MYO5B: variants seen among roughly 807,000 people sequenced by gnomAD.
MYO5B encodes the protein myosin VB, also known as unconventional myosin-Vb.
Under a neutral mutation model 229.3 loss-of-function variants are expected in MYO5B, and 143 were observed. That is an observed-to-expected ratio of 0.62 (90% CI 0.54 to 0.72). The LOEUF (loss-of-function observed/expected upper bound fraction) is 0.72. MYO5B is among the 30% of genes least tolerant of loss of function. MYO5B has a pLI of 0.00. For missense variants in MYO5B, 2,321 were observed against 2,331.0 expected, an observed-to-expected ratio of 1.00 and a Z score of 0.09; for synonymous variants, 918 against 885.2, an observed-to-expected ratio of 1.04 and a Z score of -0.66.
intron 1 of MYO5B, among the ~76,000 whole-genome samples, chr18:50,058,654 T>C (rs1266133608): frequency 1.3e-5 from 2 of 151,862 alleles, no homozygotes; most frequent in South Asian, 2.1e-4. Context: ...CTACTAAAAT[T>C]ACAAAAATTA....
chr18:49,994,237 A>G (rs546093363), intron 5 of MYO5B, among the ~76,000 whole-genome samples: 1 of 152,162 alleles, frequency 6.6e-6, no homozygotes, highest in South Asian at 2.1e-4. Context: ...CTCTGTGTTC[A>G]TGAGGGCAAA....
At chr18:50,153,235 A>G (rs898535719) in intron 1 of MYO5B, among the ~76,000 whole-genome samples, 3 of 152,200 alleles carry the variant, frequency 2.0e-5, no homozygotes, top group Non-Finnish European at 4.4e-5. Context: ...CAATGTTTCA[A>G]AGATTGAAAA....
At chr18:49,834,418 G>A (rs780770125) in intron 39 of MYO5B, among the ~76,000 whole-genome samples, 1 of 152,154 alleles carries the variant, frequency 6.6e-6, no homozygotes, top group Non-Finnish European at 1.5e-5. Context: ...GTAATCATGG[G>A]AGAAGTGTGG....
At chr18:49,918,255 G>T (rs1042874427) in intron 17 of MYO5B, among the ~76,000 whole-genome samples, 1 of 152,242 alleles carries the variant, frequency 6.6e-6, no homozygotes, top group African/African-American at 2.4e-5. Flanking sequence ...GTATGGAGCT[G>T]CAGAGTTACA....
At chr18:49,849,478 T>C in intron 32 of MYO5B, 89 bp downstream of exon 32, 1 of 927,662 alleles carries the variant, frequency 1.1e-6, no homozygotes, top group South Asian at 1.3e-5. Context: ...GTAGGAAGAA[T>C]GTGCAGAGGG....
At chr18:50,138,405 T>G (rs2032367632) in intron 1 of MYO5B, among the ~76,000 whole-genome samples, 1 of 150,946 alleles carries the variant, frequency 6.6e-6, no homozygotes, top group Admixed American at 6.6e-5. Flanking sequence ...ATCTGGAGTG[T>G]GCCCAATTTG....
At chr18:50,127,401 C>G (rs977796339) in intron 1 of MYO5B, among the ~76,000 whole-genome samples, 5 of 152,160 alleles carry the variant, frequency 3.3e-5, no homozygotes, top group Non-Finnish European at 7.4e-5. Context: ...AGAGAACAAG[C>G]TTTTACTGAG....
intron 1 of MYO5B, among the ~76,000 whole-genome samples, chr18:50,117,212 TA>T (rs1218454408): frequency 6.6e-6 from 1 of 151,776 alleles, no homozygotes; most frequent in Non-Finnish European, 1.5e-5. Flanking sequence ...CAAGCCCCTA[TA>T]AAAAAGGGCA....
In MYO5B at chr18:49,871,830, G is replaced by A. The variant is rs890337445; in HGVS notation, c.3603+337C>T. ...TCACCTCCCACTGTTCTACCGCCCT[G>A]TCTCCCTGCATGCCAGCAGAGGACA... On this transcript the variant is annotated intron_variant, in intron 27 of 39. Transcript: ENST00000285039. Among the ~76,000 whole-genome samples, 7 of 152,298 alleles carry A rather than the reference G, an allele frequency of 4.6e-5. No individual in the cohort carries two copies. The South Asian group carries it at 1.2e-3, about 27-fold the overall frequency.
chr18:50,132,101 A>T (rs2144548041), intron 1 of MYO5B, among the ~76,000 whole-genome samples: 1 of 152,296 alleles, frequency 6.6e-6, no homozygotes, highest in Admixed American at 6.5e-5. Context: ...CCCTCTTCCC[A>T]AGTGTGCCAA....
At chr18:50,101,742 A>G (rs1018662839) in intron 1 of MYO5B, among the ~76,000 whole-genome samples, 1 of 152,164 alleles carries the variant, frequency 6.6e-6, no homozygotes, top group African/African-American at 2.4e-5. Context: ...GAAACAATAG[A>G]TGCTGGTGAG....
rs2024573161 is a variant in MYO5B at position 49,880,356 on chromosome 18, T to C, written c.3130+15A>G. 3 of 1,608,178 alleles carry C rather than the reference T, an allele frequency of 1.9e-6. No individual in the cohort carries two copies. The highest frequency in any genetic ancestry group is 2.6e-6 in the Non-Finnish European group (3 of 1,174,578). ...ATTAAAACCCCAAATAAAACTCAAG[T>C]GCTTTGGTACTTACCTTTAGACTGG... is the stretch of plus-strand genomic sequence containing the variant. On this transcript the variant is annotated intron_variant, in intron 23 of 39. Coordinates refer to ENST00000285039, the MANE Select transcript of MYO5B (RefSeq NM_001080467.3).
chr18:50,173,373 G>A (rs370597226), intron 1 of MYO5B, among the ~76,000 whole-genome samples: 25 of 152,248 alleles, frequency 1.6e-4, no homozygotes, highest in African/African-American at 5.8e-4. Context: ...CAGATTACAG[G>A]AGGCCTCATG....
chr18:50,050,107 A>G (rs1331958589), intron 2 of MYO5B, among the ~76,000 whole-genome samples: 5 of 152,218 alleles, frequency 3.3e-5, no homozygotes, highest in African/African-American at 1.2e-4. Context: ...CAATATAACC[A>G]TAACTGAGCA....
rs373594313 is a variant in MYO5B, at chr18:49,853,581, A to G, written c.4089T>C (p.Ala1363=). ...TCTCCTCCTTCAGGGCCTCGAGCTG[A>G]GCCTTGAGATGCTCCACCTCCTCCT... ...EHEEEVEHLK[A]QLEALKEEMD... Residue 1363 remains alanine, a synonymous_variant, in exon 31 of 40, where the codon GCT becomes GCC. Coordinates refer to ENST00000285039, the MANE Select transcript of MYO5B (RefSeq NM_001080467.3). 3 of 1,614,130 alleles carry G rather than the reference A, an allele frequency of 1.9e-6. No individual in the cohort carries two copies. Among genetic ancestry groups the G allele is most frequent in the Non-Finnish European group, 2.5e-6 (3 of 1,180,030 alleles).
At chr18:50,107,347 C>A (rs867057498) in intron 1 of MYO5B, among the ~76,000 whole-genome samples, 2 of 151,566 alleles carry the variant, frequency 1.3e-5, no homozygotes, top group Non-Finnish European at 2.9e-5. Context: ...GATCTCCTGA[C>A]CTTGTGATAT....
intron 17 of MYO5B, among the ~76,000 whole-genome samples, chr18:49,921,257 T>G (rs915100386): frequency 9.6e-4 from 15 of 15,692 alleles, no homozygotes; most frequent in African/African-American, 4.6e-3. Context: ...TCAAGCAGAG[T>G]TTTTTTTTTT....
intron 1 of MYO5B, among the ~76,000 whole-genome samples, chr18:50,168,427 G>A (rs569847734): frequency 1.0e-3 from 157 of 152,366 alleles, no homozygotes; most frequent in African/African-American, 3.7e-3. Flanking sequence ...AATATGCCTG[G>A]ATTCTCTTTG....
At chr18:50,175,957 A>G (rs2032990263) in intron 1 of MYO5B, among the ~76,000 whole-genome samples, 1 of 152,242 alleles carries the variant, frequency 6.6e-6, no homozygotes, top group East Asian at 1.9e-4. Context: ...GAGGAAATAC[A>G]TGAATTCCAC....
Sources: gnomAD v4.1 joint callset for allele counts (sites outside exome capture counted in the v4.1 genomes callset) on GRCh38, gnomAD v4.1.1 for gene constraint, MANE v1.5 for transcripts, NCBI Gene and HGNC (gene_info 2026-07-23, HGNC 2026-07-21) for gene names.